Variants in FRMPD3 observed in about 807,000 individuals in gnomAD.
The protein encoded by FRMPD3 is FERM and PDZ domain-containing protein 3.
In FRMPD3, 42 loss-of-function variants were observed where a neutral mutation model predicts 97.9. The observed-to-expected ratio is 0.43, with a 90% CI of 0.34 to 0.55. The LOEUF (loss-of-function observed/expected upper bound fraction) is 0.55, where lower values mean the gene tolerates loss of function less well. FRMPD3 is among the 20% of genes least tolerant of loss of function. The pLI is 0.03. For synonymous variants in FRMPD3, 577 were observed against 581.1 expected, an observed-to-expected ratio of 0.99 and a Z score of 0.10; for missense variants, 1,303 against 1,457.7, an observed-to-expected ratio of 0.89 and a Z score of 1.73.
intron 4 of FRMPD3, among the ~76,000 whole-genome samples, chrX:107,540,008 C>T (rs138316069): frequency 1.4e-3 from 158 of 111,928 alleles, no homozygotes; most frequent in Non-Finnish European, 2.4e-3. Flanking sequence ...GAGGAAACAG[C>T]GTGAGGTGGG....
At chrX:107,537,312 A>C (rs1921029908) in intron 4 of FRMPD3, among the ~76,000 whole-genome samples, 1 of 111,646 alleles carries the variant, frequency 9.0e-6, no homozygotes, top group South Asian at 3.8e-4. Flanking sequence ...TCATTCACTC[A>C]TCAAGCATTT....
chrX:107,469,885 T>A, intron 1 of FRMPD3, among the ~76,000 whole-genome samples: 1 of 112,086 alleles, frequency 8.9e-6, no homozygotes, highest in South Asian at 3.8e-4. Flanking sequence ...TATATTTGGG[T>A]CAAAGTTTGA....
chrX:107,602,033 C>T lies in FRMPD3; in HGVS notation c.3994C>T (p.Gln1332Ter). ...GRERDRVLPSQRQPEAGPGVS... is the reference protein window; with the variant it reads ...GRERDRVLPS ...GGAAAGGGACAGAGTCCTCCCTAGC[C>T]AGAGGCAGCCAGAGGCTGGCCCAGG... is the stretch of plus-strand genomic sequence containing the variant. Residue 1332 changes from glutamine to a stop codon, truncating the protein, a stop_gained, in exon 15 of 15, where the codon CAG (glutamine) becomes TAG (stop). Coordinates refer to ENST00000683843, the MANE Select transcript of FRMPD3 (RefSeq NM_001388459.1). LOFTEE classifies it high-confidence loss of function. 1 of 1,181,634 alleles carries T rather than the reference C, an allele frequency of 8.5e-7. No homozygotes were observed. The highest frequency in any genetic ancestry group is 1.1e-6 in the Non-Finnish European group (1 of 880,900).
chrX:107,496,582 T>A (rs762086374), intron 1 of FRMPD3, among the ~76,000 whole-genome samples: 1 of 112,153 alleles, frequency 8.9e-6, no homozygotes, highest in African/African-American at 3.2e-5. Context: ...CTCTGAGTGT[T>A]AGCTTTTTAA....
intron 13 of FRMPD3, among the ~76,000 whole-genome samples, chrX:107,582,261 G>A (rs905758313): frequency 2.7e-5 from 3 of 109,563 alleles, no homozygotes; most frequent in Non-Finnish European, 3.8e-5. Flanking sequence ...TCAGCTCACT[G>A]CGACCTCTGC....
chrX:107,533,586 G>C, intron 4 of FRMPD3, 36 bp downstream of exon 4: 1 of 1,153,552 alleles, frequency 8.7e-7, no homozygotes, highest in South Asian at 1.9e-5. Flanking sequence ...CCTTCCTCCT[G>C]ACTGAGAAGA....
At chrX:107,524,676 G>T (rs986799676) in intron 1 of FRMPD3, among the ~76,000 whole-genome samples, 2 of 112,548 alleles carry the variant, frequency 1.8e-5, no homozygotes, top group African/African-American at 6.5e-5. Flanking sequence ...TGATGAATTT[G>T]ATATTCTTAG....
chrX:107,477,445 TC>T (rs1386924348), intron 1 of FRMPD3, among the ~76,000 whole-genome samples: 6 of 112,427 alleles, frequency 5.3e-5, no homozygotes, highest in African/African-American at 1.9e-4. Context: ...ATAGAAATAT[TC>T]CCATCTGGAT....
intron 13 of FRMPD3, among the ~76,000 whole-genome samples, chrX:107,582,754 C>T (rs914745582): frequency 8.9e-6 from 1 of 112,469 alleles, no homozygotes; most frequent in Non-Finnish European, 1.9e-5. Context: ...ACTTTATGGT[C>T]TTGATCACTA....
chrX:107,509,097 C>A (rs1213067650), intron 1 of FRMPD3, among the ~76,000 whole-genome samples: 1 of 111,976 alleles, frequency 8.9e-6, no homozygotes, highest in Non-Finnish European at 1.9e-5. Flanking sequence ...CCCAGCTTGG[C>A]CTCTGTGAGC....
chrX:107,514,217 G>T (rs1348642001), intron 1 of FRMPD3, among the ~76,000 whole-genome samples: 2 of 111,901 alleles, frequency 1.8e-5, no homozygotes, highest in Non-Finnish European at 3.8e-5. Flanking sequence ...TGGGGGAGTT[G>T]GCAGGTAGGG....
At chrX:107,485,692 G>A (rs1374902180) in intron 1 of FRMPD3, among the ~76,000 whole-genome samples, 1 of 111,670 alleles carries the variant, frequency 9.0e-6, no homozygotes, top group Non-Finnish European at 1.9e-5. Flanking sequence ...GGGGAGCTGT[G>A]ACCACCTGGT....
chrX:107,467,086 G>A lies in FRMPD3; in HGVS notation c.-8+17081G>A, dbSNP rs28552572. Among the ~76,000 whole-genome samples, 736 of 109,739 alleles carry A rather than the reference G, an allele frequency of 6.7e-3. 7 individuals are homozygous for A. The highest frequency in any genetic ancestry group is 0.024 in the African/African-American group (711 of 30,003). ...TGTCTGAAGGTAAATCTGCAAGGTT[G>A]AATTTTTCCTGACTGGAGAGGCCTG... On this transcript the variant is annotated intron_variant, in intron 1 of 14. Transcript: ENST00000683843.
Position 107,560,379 on chromosome X carries a change from G to T in FRMPD3, c.885G>T (p.Ser295=). Residue 295 remains serine (S), a synonymous_variant, in exon 9 of 15, where the codon TCG becomes TCT. Transcript: ENST00000683843. ...VSATRPSQKI[S]LKNVEKEWGL... Reference sequence around the variant, plus strand: ...CCACTCGACCTAGTCAGAAGATCTCGCTCAAGAATGTGGAGTGAGTTGTGC... The same window carrying T: ...CCACTCGACCTAGTCAGAAGATCTCTCTCAAGAATGTGGAGTGAGTTGTGC... The T allele has an allele frequency of 8.3e-7, 1 of 1,209,215 alleles. No homozygotes were observed. The highest frequency in any genetic ancestry group is 1.1e-6 in the Non-Finnish European group (1 of 894,982).
intron 5 of FRMPD3, 137 bp downstream of exon 5, chrX:107,545,978 A>T (rs1389561895): frequency 4.3e-6 from 2 of 470,217 alleles, no homozygotes. Context: ...CTGGAGGGGG[A>T]AAAGTAGTGA....
At chrX:107,518,256 G>A (rs1351180179) in intron 1 of FRMPD3, among the ~76,000 whole-genome samples, 1 of 111,976 alleles carries the variant, frequency 8.9e-6, no homozygotes, top group Non-Finnish European at 1.9e-5. Context: ...TCTAGTAAAA[G>A]GGAATATCAA....
rs147543500 is a variant in FRMPD3 at position 107,451,968 on chromosome X, C to T, written c.-8+1963C>T. Among the ~76,000 whole-genome samples, 838 of 112,011 alleles carry T rather than the reference C, an allele frequency of 7.5e-3. 5 individuals are homozygous for T. Among genetic ancestry groups the T allele is most frequent in the African/African-American group, 0.026 (812 of 30,809 alleles). Reference sequence around the variant, plus strand: ...CAGGGCTCCTCTGGGTCCTCTCCCCCGCCCCCTTAGATTATTTAGGCGGGG... The same window carrying T: ...CAGGGCTCCTCTGGGTCCTCTCCCCTGCCCCCTTAGATTATTTAGGCGGGG... On this transcript the variant is annotated intron_variant, in intron 1 of 14. Coordinates refer to ENST00000683843, the MANE Select transcript of FRMPD3 (RefSeq NM_001388459.1).
intron 12 of FRMPD3, among the ~76,000 whole-genome samples, chrX:107,571,095 C>G (rs1471016957): frequency 8.9e-6 from 1 of 111,792 alleles, no homozygotes; most frequent in Non-Finnish European, 1.9e-5. Context: ...GGGCCATTAC[C>G]ATACCCCATT....
intron 4 of FRMPD3, among the ~76,000 whole-genome samples, chrX:107,540,571 G>T (rs1015274034): frequency 8.9e-6 from 1 of 112,033 alleles, no homozygotes; most frequent in Admixed American, 9.5e-5. Context: ...CAAGCTGCTG[G>T]CTTCATATTT....
Sources: allele counts gnomAD v4.1 joint callset (sites outside exome capture counted in the v4.1 genomes callset), GRCh38; gene constraint gnomAD v4.1.1; transcripts MANE v1.5; gene names NCBI Gene and HGNC (gene_info 2026-07-23, HGNC 2026-07-21).